VPS13B: variants seen among roughly 807,000 people sequenced by gnomAD.
The protein encoded by VPS13B is vacuolar protein sorting 13 homolog B, also known as intermembrane lipid transfer protein VPS13B.
Under a neutral mutation model 426.4 loss-of-function variants are expected in VPS13B, and 285 were observed. The ratio of observed to expected loss-of-function variants is 0.67; its 90% confidence interval spans 0.61 to 0.74. The LOEUF (loss-of-function observed/expected upper bound fraction) is 0.74, where lower values mean the gene tolerates loss of function less well. Among genes scored for constraint, VPS13B ranks in the 30% least tolerant of loss-of-function variants. VPS13B has a pLI of 0.00. For synonymous variants in VPS13B, 1,676 were observed against 1,676.4 expected (o/e 1.00, Z 0.01); for missense variants, 4,537 against 4,782.6 (o/e 0.95, Z 1.51).
intron 8 of VPS13B, among the ~76,000 whole-genome samples, chr8:99,125,687 G>C (rs901168545): frequency 2.6e-5 from 4 of 152,118 alleles, no homozygotes; most frequent in African/African-American, 7.2e-5. Context: ...TGATGTAAAA[G>C]CTCTGCAAAA....
At position 99,135,202 on chromosome 8, in the gene VPS13B, G is replaced by GT. The variant is rs557329333; in HGVS notation, c.1425+68dup. On this transcript the variant is annotated intron_variant, in intron 10 of 61. Transcript: ENST00000357162. ...GGAATAATTAAGTGCTTACTGAAGT[G>GT]TTTAACCATATAATATCTGTTAGAC... The GT allele has an allele frequency of 2.6e-3, 4,228 of 1,596,232 alleles. 8 individuals are homozygous for GT. Among genetic ancestry groups the GT allele is most frequent in the Non-Finnish European group, 3.2e-3 (3,692 of 1,166,550 alleles).
At position 99,111,503 on chromosome 8, in the gene VPS13B, G is replaced by GT. The variant is rs1047385747; in HGVS notation, c.762+233dup. ...TTAGAGACAACTTTTTTCTGTAATT[G>GT]TTTTTTTTTAGTTTTTCCAGCTGTT... is the stretch of plus-strand genomic sequence containing the variant. On this transcript the variant is annotated intron_variant, in intron 6 of 61. Coordinates refer to ENST00000357162, the MANE Select transcript of VPS13B (RefSeq NM_152564.5). Among the ~76,000 whole-genome samples the GT allele has an allele frequency of 4.4e-4, 65 of 149,252 alleles. 1 individual carries two copies. In the East Asian group the frequency reaches 6.7e-3, roughly 15 times the overall value.
intron 17 of VPS13B, among the ~76,000 whole-genome samples, chr8:99,254,310 T>C (rs1817643052): frequency 6.6e-6 from 1 of 152,188 alleles, no homozygotes; most frequent in South Asian, 2.1e-4. Context: ...ATATTTTTGC[T>C]GAATATAGAA....
At chr8:99,410,035 G>GA (rs1412404451) in intron 21 of VPS13B, among the ~76,000 whole-genome samples, 1 of 152,086 alleles carries the variant, frequency 6.6e-6, no homozygotes, top group Non-Finnish European at 1.5e-5. Flanking sequence ...TGGGATGGGG[G>GA]AATACTTGGG....
intron 3 of VPS13B, among the ~76,000 whole-genome samples, chr8:99,076,555 A>G (rs1845133762): frequency 6.7e-6 from 1 of 149,344 alleles, no homozygotes; most frequent in Non-Finnish European, 1.5e-5. Context: ...GTGCATATAT[A>G]TTTAGAATTG....
chr8:99,635,061 A>G (rs1829015987), intron 33 of VPS13B, among the ~76,000 whole-genome samples: 1 of 151,930 alleles, frequency 6.6e-6, no homozygotes, highest in South Asian at 2.1e-4. Context: ...TCATCCCACA[A>G]ACTTCTAAAG....
chr8:99,194,704 A>G (rs867221380), intron 17 of VPS13B, among the ~76,000 whole-genome samples: 4 of 152,158 alleles, frequency 2.6e-5, no homozygotes, highest in Non-Finnish European at 5.9e-5. Flanking sequence ...TATCTTGGCT[A>G]TTGTACAGTG....
intron 3 of VPS13B, among the ~76,000 whole-genome samples, chr8:99,049,634 T>C (rs1488347116): frequency 6.6e-6 from 1 of 152,118 alleles, no homozygotes; most frequent in Non-Finnish European, 1.5e-5. Flanking sequence ...GATAACCTGA[T>C]GACAGTGTGC....
chr8:99,511,329 A>G lies in VPS13B; in HGVS notation c.4450A>G (p.Asn1484Asp). 2 of 1,613,944 alleles carry G rather than the reference A, an allele frequency of 1.2e-6. No homozygotes were observed. Among genetic ancestry groups the G allele is most frequent in the Non-Finnish European group, 8.5e-7 (1 of 1,179,984 alleles). Residue 1484 changes from asparagine to aspartate, a missense_variant, in exon 29 of 62, where the codon AAT (asparagine) becomes GAT (aspartate). Asn to Asp is a conservative substitution (Grantham distance 23). Transcript: ENST00000357162. ...TATTGTTCTTTATTTTCCTTTACTT[A>G]ATGCCATTGCAAGTATATTTCAAGC... ...FDIVLYFPLL[N>D]AIASIFQAKL... is the part of the protein sequence containing the mutation.
chr8:99,043,135 GA>G (rs1843050925), intron 3 of VPS13B, among the ~76,000 whole-genome samples: 1 of 151,920 alleles, frequency 6.6e-6, no homozygotes, highest in South Asian at 2.1e-4. Flanking sequence ...TTCACAGGAC[GA>G]AGTTTTTTTT....
At chr8:99,144,852 GAGAAGAAAAATAAAAGGAAGTGTGAGC>G (rs1810619971) in intron 13 of VPS13B, among the ~76,000 whole-genome samples, 1 of 152,148 alleles carries the variant, frequency 6.6e-6, no homozygotes, top group African/African-American at 2.4e-5. Flanking sequence ...ATAAATACTA[GAGAAGAAAAATAAAAGGAAGTGTGAGC>G]AAGAGTGCCA....
At chr8:99,189,225 A>T (rs1479437784) in intron 16 of VPS13B, among the ~76,000 whole-genome samples, 1 of 152,250 alleles carries the variant, frequency 6.6e-6, no homozygotes, top group African/African-American at 2.4e-5. Context: ...CTGGGATTAC[A>T]GGCGTGAGCC....
At chr8:99,547,842 G>T (rs1035888718) in intron 30 of VPS13B, among the ~76,000 whole-genome samples, 2 of 151,998 alleles carry the variant, frequency 1.3e-5, no homozygotes, top group Non-Finnish European at 2.9e-5. Flanking sequence ...GAAGTCATGG[G>T]CTTCTTGATT....
intron 16 of VPS13B, among the ~76,000 whole-genome samples, chr8:99,187,231 C>T (rs951596281): frequency 2.0e-5 from 3 of 151,452 alleles, no homozygotes; most frequent in Non-Finnish European, 2.9e-5. Flanking sequence ...GGGCGGGGGG[C>T]GGTTCAGGAA....
rs910471528 is a variant in VPS13B, at chr8:99,298,257, G to A, written c.2824+23003G>A. Among the ~76,000 whole-genome samples, 4 of 152,156 alleles carry A rather than the reference G, an allele frequency of 2.6e-5. 1 individual carries two copies. The highest frequency in any genetic ancestry group is 2.6e-4 in the Admixed American group (4 of 15,282). On this transcript the variant is annotated intron_variant, in intron 19 of 61. Transcript: ENST00000357162. The stretch of plus-strand genomic sequence containing the variant: ...TAATCCCAGCACTTTGCGAGGCCGA[G>A]GTGGGTGGATCATCTGAGGTCAGGA...
intron 3 of VPS13B, among the ~76,000 whole-genome samples, chr8:99,077,224 G>A (rs1845178717): frequency 1.3e-5 from 2 of 151,932 alleles, no homozygotes; most frequent in Admixed American, 1.3e-4. Flanking sequence ...CCAGGTTGGA[G>A]TGCAATGGCG....
intron 22 of VPS13B, among the ~76,000 whole-genome samples, chr8:99,433,880 C>G (rs1817240610): frequency 6.6e-6 from 1 of 152,092 alleles, no homozygotes; most frequent in Non-Finnish European, 1.5e-5. Context: ...GATCTCAACT[C>G]ATTGCACCTT....
intron 17 of VPS13B, among the ~76,000 whole-genome samples, chr8:99,247,309 C>T (rs1817276325): frequency 6.6e-6 from 1 of 152,104 alleles, no homozygotes; most frequent in African/African-American, 2.4e-5. Context: ...CTTCATTACT[C>T]ATTGTTTGTA....
chr8:99,482,481 A>G (rs1820095884), intron 25 of VPS13B, among the ~76,000 whole-genome samples: 1 of 152,218 alleles, frequency 6.6e-6, no homozygotes, highest in Non-Finnish European at 1.5e-5. Flanking sequence ...CAATATATAA[A>G]TGCCTGGGCA....
Sources: gnomAD v4.1 joint callset for allele counts (sites outside exome capture counted in the v4.1 genomes callset) on GRCh38, gnomAD v4.1.1 for gene constraint, MANE v1.5 for transcripts, NCBI Gene and HGNC (gene_info 2026-07-23, HGNC 2026-07-21) for gene names.